PCDHA7: variants seen among roughly 807,000 people sequenced by gnomAD.
The protein encoded by PCDHA7 is protocadherin alpha-7.
In PCDHA7, 37 loss-of-function variants were observed where a neutral mutation model predicts 57.2. That is an observed-to-expected ratio of 0.65 (90% CI 0.50 to 0.85). The LOEUF is 0.85. Among genes scored for constraint, PCDHA7 ranks in the 40% least tolerant of loss-of-function variants. The probability of loss-of-function intolerance (pLI) is 0.00; values close to 1 mark genes in which losing one functional copy is unlikely to be tolerated. For missense variants in PCDHA7, 1,188 were observed against 1,241.8 expected, an observed-to-expected ratio of 0.96 and a Z score of 0.65; for synonymous variants, 553 against 558.8, an observed-to-expected ratio of 0.99 and a Z score of 0.15.
At position 140,850,251 on chromosome 5, in the gene PCDHA7, G is replaced by T. The variant is rs1562466738; in HGVS notation, c.2355+13513G>T. 1.1e-5 allele frequency: 18 copies of T among 1,594,126 alleles called. 3 individuals are homozygous for T. The highest frequency in any genetic ancestry group is 1.4e-5 in the Non-Finnish European group (16 of 1,167,218). On this transcript the variant is annotated intron_variant, in intron 1 of 3. Coordinates refer to ENST00000525929, the MANE Select transcript of PCDHA7 (RefSeq NM_018910.3). ...GAGCGAGATGGTGCTGCGGTCGGTG[G>T]GCGCCGGCGTAGTGGTGGGGAAGGT...
At chr5:141,006,662 G>A (rs1198129323) in intron 3 of PCDHA7, among the ~76,000 whole-genome samples, 1 of 152,192 alleles carries the variant, frequency 6.6e-6, no homozygotes, top group Admixed American at 6.5e-5. Context: ...TCCTGAAAGA[G>A]TGGTGGCAGT....
In PCDHA7 at chr5:140,984,898, A is replaced by G. The variant is rs551340383; in HGVS notation, c.2503+2335A>G. ...GTTACCATGAGAACTAAAGGAGAAA[A>G]AAAGAACTGAGCATAGTGCTTGACA... On this transcript the variant is annotated intron_variant, in intron 3 of 3. Transcript: ENST00000525929. Among the ~76,000 whole-genome samples, 21 of 152,282 alleles carry G rather than the reference A, an allele frequency of 1.4e-4. No individual in the cohort carries two copies. The South Asian group carries it at 4.4e-3, about 32-fold the overall frequency.
chr5:140,877,224 G>C (rs986695805), intron 1 of PCDHA7: 6 of 1,613,712 alleles, frequency 3.7e-6, no homozygotes, highest in Admixed American at 1.7e-5. Flanking sequence ...TACCGCGGTC[G>C]GTGGGTGCGG....
At chr5:140,932,633 A>T (rs1192123242) in intron 1 of PCDHA7, among the ~76,000 whole-genome samples, 1 of 151,912 alleles carries the variant, frequency 6.6e-6, no homozygotes, top group African/African-American at 2.4e-5. Flanking sequence ...ACACTAAAAA[A>T]CTTTAGAATG....
At chr5:140,934,528 G>C (rs782284913) in intron 1 of PCDHA7, among the ~76,000 whole-genome samples, 1 of 152,116 alleles carries the variant, frequency 6.6e-6, no homozygotes, top group African/African-American at 2.4e-5. Flanking sequence ...CACTTCGAGA[G>C]CTACCGTTCT....
chr5:140,850,840 C>A (rs2150500104), intron 1 of PCDHA7: 2 of 1,597,492 alleles, frequency 1.3e-6, no homozygotes, highest in Non-Finnish European at 1.7e-6. Context: ...TGTGCTGGAT[C>A]TACAGAGCGA....
intron 1 of PCDHA7, among the ~76,000 whole-genome samples, chr5:140,894,646 C>A (rs1481747888): frequency 2.0e-5 from 3 of 151,766 alleles, no homozygotes; most frequent in African/African-American, 7.3e-5. Flanking sequence ...ATTACTGAGT[C>A]TCTCTAATTC....
chr5:140,983,101 C>T (rs1047738074), intron 3 of PCDHA7, among the ~76,000 whole-genome samples: 2 of 152,228 alleles, frequency 1.3e-5, no homozygotes, highest in African/African-American at 4.8e-5. Flanking sequence ...ATCTGCTTCT[C>T]TCTGCACATC....
At position 140,835,689 on chromosome 5, in the gene PCDHA7, T is replaced by C. The variant is rs2150242026; in HGVS notation, c.1306T>C (p.Trp436Arg). The C allele has an allele frequency of 1.2e-5, 19 of 1,613,884 alleles. No homozygotes were observed. The Middle Eastern group carries it at 6.6e-4, about 56-fold the overall frequency. ...TARDGGSPSL[W>R]ATASVSVEVA... ...GCGGGACGGGGGCTCGCCTTCTCTG[T>C]GGGCCACTGCTAGCGTGTCCGTGGA... Residue 436 changes from tryptophan (W) to arginine (R), a missense_variant, in exon 1 of 4, where the codon TGG (tryptophan) becomes CGG (arginine). Trp to Arg is a moderately radical substitution (Grantham distance 101). Around this residue, in one of 3 missense-constraint regions of PCDHA7, gnomAD observed 892 missense variants for 788.5 expected, o/e 1.13. Coordinates refer to ENST00000525929, the MANE Select transcript of PCDHA7 (RefSeq NM_018910.3).
intron 3 of PCDHA7, among the ~76,000 whole-genome samples, chr5:140,983,182 C>T (rs782457174): frequency 6.6e-6 from 1 of 152,188 alleles, no homozygotes; most frequent in Non-Finnish European, 1.5e-5. Flanking sequence ...CTCACAATTT[C>T]TTAGTTTAGA....
At chr5:140,837,048 T>A (rs1774890519) in intron 1 of PCDHA7, 1 of 199,144 alleles carries the variant, frequency 5.0e-6, no homozygotes. Flanking sequence ...ATCAAATATT[T>A]ACATTTCCAT....
intron 1 of PCDHA7, among the ~76,000 whole-genome samples, chr5:140,950,613 A>G (rs980395914): frequency 3.3e-5 from 5 of 152,064 alleles, no homozygotes; most frequent in African/African-American, 1.2e-4. Context: ...TGATGTGCTT[A>G]TTTATGCTTT....
At chr5:140,976,423 T>C (rs1378184646) in intron 1 of PCDHA7, among the ~76,000 whole-genome samples, 22 of 151,886 alleles carry the variant, frequency 1.4e-4, no homozygotes, top group Admixed American at 1.3e-3. Context: ...CGGTGGCAGA[T>C]GCCTGTAATC....
At chr5:140,995,515 C>T (rs1476035141) in intron 3 of PCDHA7, among the ~76,000 whole-genome samples, 2 of 152,078 alleles carry the variant, frequency 1.3e-5, no homozygotes, top group East Asian at 1.9e-4. Context: ...TAACTGAAGC[C>T]TCAGAAATCA....
Position 140,927,496 on chromosome 5 carries a change from G to C in PCDHA7, c.2356-51453G>C, listed in dbSNP as rs1206944698. On this transcript the variant is annotated intron_variant, in intron 1 of 3. Transcript: ENST00000525929. ...CGAACAGCGCGCCACCCACCTGCTG[G>C]TGCTTACAGCTCGGGACGGCGGGCT... The C allele has an allele frequency of 3.7e-6, 6 of 1,614,026 alleles. No homozygotes were observed. The highest frequency in any genetic ancestry group is 5.1e-6 in the Non-Finnish European group (6 of 1,180,054).
chr5:140,982,687 C>T (rs2096996612), intron 3 of PCDHA7, 124 bp downstream of exon 3: 1 of 1,415,822 alleles, frequency 7.1e-7, no homozygotes, highest in Non-Finnish European at 9.3e-7. Flanking sequence ...CCCTTTTTTC[C>T]ATACATACAT....
chr5:140,842,478 C>T (rs449407), intron 1 of PCDHA7: 1 of 1,613,928 alleles, frequency 6.2e-7, no homozygotes, highest in East Asian at 2.2e-5. Flanking sequence ...GGGCAGGTGA[C>T]CTGCTCCCTG....
In PCDHA7 at chr5:140,876,415, G is replaced by C. The variant is rs782679956; in HGVS notation, c.2355+39677G>C. 3 of 1,613,842 alleles carry C rather than the reference G, an allele frequency of 1.9e-6. No individual in the cohort carries two copies. The African/African-American group carries it at 4.0e-5, about 22-fold the overall frequency. On this transcript the variant is annotated intron_variant, in intron 1 of 3. Transcript: ENST00000525929. ...TGAACTGGATTTTGAAGAGAATAATGCCTATGAAATTCAGGTTAACGCCAT... is the reference window on the plus strand; with the variant it reads ...TGAACTGGATTTTGAAGAGAATAATCCCTATGAAATTCAGGTTAACGCCAT...
chr5:140,927,342 T>TGAC (rs1554204398), intron 1 of PCDHA7: 2 of 1,614,160 alleles, frequency 1.2e-6, no homozygotes, highest in Admixed American at 3.3e-5. Flanking sequence ...ATGCCCAAGA[T>TGAC]GACGACGAGG....
Sources: allele counts gnomAD v4.1 joint callset (sites outside exome capture counted in the v4.1 genomes callset), GRCh38; gene constraint gnomAD v4.1.1; regional missense constraint gnomAD v4.1.1; transcripts MANE v1.5; gene names NCBI Gene and HGNC (gene_info 2026-07-23, HGNC 2026-07-21).